Variants in ZAP70 observed in about 807,000 individuals in gnomAD.
ZAP70 encodes tyrosine-protein kinase ZAP-70.
A neutral mutation model predicts 65.8 loss-of-function variants in ZAP70; 27 were observed. The observed-to-expected ratio is 0.41, with a 90% CI of 0.30 to 0.57. The LOEUF (loss-of-function observed/expected upper bound fraction) is 0.57, where lower values mean the gene tolerates loss of function less well. ZAP70 is among the 20% of genes least tolerant of loss of function. The pLI, the probability that ZAP70 is intolerant of heterozygous loss-of-function variation, is 0.28. For missense variants in ZAP70, 696 were observed against 870.5 expected, an observed-to-expected ratio of 0.80 and a Z score of 2.52; for synonymous variants, 363 against 360.8, an observed-to-expected ratio of 1.01 and a Z score of -0.07.
intron 9 of ZAP70, 163 bp from the exon 10 acceptor site, chr2:97,735,087 C>T (rs780439583): frequency 6.0e-6 from 5 of 838,210 alleles, no homozygotes; most frequent in Non-Finnish European, 9.4e-6. Context: ...TCAGCAGACG[C>T]TCCAGGCTGC....
rs775411958 is a variant in ZAP70, at chr2:97,732,938, A to G, written c.619A>G (p.Thr207Ala). 1.6e-5 allele frequency: 26 copies of G among 1,613,978 alleles called. No homozygotes were observed. Among genetic ancestry groups the G allele is most frequent in the Non-Finnish European group, 2.1e-5 (25 of 1,180,038 alleles). Residue 207 changes from threonine to alanine, a missense_variant, in exon 5 of 14, where the codon ACG becomes GCG. Physicochemically the swap from Thr to Ala is moderately conservative, Grantham distance 58 (BLOSUM62 0). Around this residue, in one of 3 missense-constraint regions of ZAP70, gnomAD observed 551 missense variants for 630.0 expected, o/e 0.87. Coordinates refer to ENST00000264972, the MANE Select transcript of ZAP70 (RefSeq NM_001079.4). ...TYALSLIYGKTVYHYLISQDK... is the reference protein window; with the variant it reads ...TYALSLIYGKAVYHYLISQDK... ...CGCCCTGTCCCTCATCTATGGGAAG[A>G]CGGTGTACCACTACCTCATCAGCCA... is the stretch of plus-strand genomic sequence containing the variant.
At chr2:97,716,805 G>T (rs1226763917) in intron 2 of ZAP70, among the ~76,000 whole-genome samples, 1 of 152,106 alleles carries the variant, frequency 6.6e-6, no homozygotes, top group Non-Finnish European at 1.5e-5. Flanking sequence ...AGCCTAGAGG[G>T]CTTCAAGCAG....
chr2:97,717,212 C>CAG (rs1339897597), intron 2 of ZAP70, among the ~76,000 whole-genome samples: 4 of 140,756 alleles, frequency 2.8e-5, no homozygotes, highest in Non-Finnish European at 6.0e-5. Context: ...ACTAGGGGTT[C>CAG]AGAGAGAGAG....
intron 2 of ZAP70, among the ~76,000 whole-genome samples, chr2:97,718,638 G>T (rs1677044200): frequency 6.6e-6 from 1 of 152,156 alleles, no homozygotes; most frequent in Admixed American, 6.5e-5. Context: ...CTTAGCCTCG[G>T]GTCATGGATG....
rs758430459 is a variant in ZAP70 at position 97,735,442 on chromosome 2, C to T, written c.1275C>T (p.Phe425=). 9.3e-5 allele frequency: 150 copies of T among 1,611,666 alleles called. No individual in the cohort carries two copies. The highest frequency in any genetic ancestry group is 1.1e-4 in the Non-Finnish European group (132 of 1,178,514). Residue 425 remains phenylalanine, a synonymous_variant, in exon 10 of 14, where the codon TTC becomes TTT. Coordinates refer to ENST00000264972, the MANE Select transcript of ZAP70 (RefSeq NM_001079.4). ...CTGGGGGCGGGCCGCTGCACAAGTT[C>T]CTGGTCGGCAAGAGGTGAGCACCGG... is the stretch of plus-strand genomic sequence containing the variant. ...EMAGGGPLHK[F]LVGKREEIPV...
chr2:97,741,817 T>G (rs1678137809), downstream of ZAP70, among the ~76,000 whole-genome samples: 1 of 152,188 alleles, frequency 6.6e-6, no homozygotes, highest in South Asian at 2.1e-4. Context: ...CCTCCTCTAT[T>G]GATCATGTGC....
At chr2:97,754,979 G>A in the ZAP70 span, among the ~76,000 whole-genome samples, 1 of 152,204 alleles carries the variant, frequency 6.6e-6, no homozygotes, top group African/African-American at 2.4e-5. Context: ...TTGGTATAAA[G>A]CAGAGAAAAG....
At chr2:97,720,582 C>G (rs1373951336) in intron 2 of ZAP70, among the ~76,000 whole-genome samples, 1 of 152,202 alleles carries the variant, frequency 6.6e-6, no homozygotes. Context: ...AGACTGCTGG[C>G]CCCATGTGAT....
At chr2:97,735,667 CAG>C (rs2104698160) in intron 10 of ZAP70, among the ~76,000 whole-genome samples, 1 of 152,364 alleles carries the variant, frequency 6.6e-6, no homozygotes, top group East Asian at 1.9e-4. Flanking sequence ...GCGGTAATAA[CAG>C]TGTCTACCTC....
rs770495620 is a variant in ZAP70, at chr2:97,724,095, C to T, written c.59C>T (p.Ala20Val). Residue 20 changes from alanine to valine, a missense_variant, in exon 3 of 14, where the codon GCC becomes GTC. Ala to Val is a moderately conservative substitution (Grantham distance 64). Around this residue, in one of 3 missense-constraint regions of ZAP70, gnomAD observed 551 missense variants for 630.0 expected, o/e 0.87. Transcript: ENST00000264972. ...FFYGSISRAE[A>V]EEHLKLAGMA... is the part of the protein sequence containing the mutation. ...TACGGCAGCATCTCGCGTGCCGAGG[C>T]CGAGGAGCACCTGAAGCTGGCGGGC... 1 of 1,563,450 alleles carries T rather than the reference C, an allele frequency of 6.4e-7. No homozygotes were observed. The highest frequency in any genetic ancestry group is 8.6e-7 in the Non-Finnish European group (1 of 1,158,024).
intron 2 of ZAP70, 149 bp from the exon 3 acceptor site, chr2:97,723,867 A>C: frequency 1.2e-6 from 1 of 844,958 alleles, no homozygotes; most frequent in South Asian, 1.8e-5. Flanking sequence ...CTCCAGGTTG[A>C]CTCTGGCACA....
intron 4 of ZAP70, 116 bp from the exon 5 acceptor site, chr2:97,732,767 C>A: frequency 1.4e-6 from 2 of 1,461,766 alleles, no homozygotes; most frequent in South Asian, 1.2e-5. Flanking sequence ...GTCCCTGCAG[C>A]TTCTCTGCAA....
chr2:97,724,578 G>A (rs1167913628), intron 3 of ZAP70, 140 bp downstream of exon 3: 2 of 1,534,100 alleles, frequency 1.3e-6, no homozygotes, highest in African/African-American at 1.4e-5. Context: ...TGGGGCACTG[G>A]TTGGGGAAGA....
chr2:97,753,190 C>G, the ZAP70 span, among the ~76,000 whole-genome samples: 1 of 152,208 alleles, frequency 6.6e-6, no homozygotes, highest in Non-Finnish European at 1.5e-5. Flanking sequence ...TCTTTACCTA[C>G]ACTGTTTTGT....
intron 8 of ZAP70, 191 bp from the exon 9 acceptor site, chr2:97,734,329 C>A: frequency 1.4e-6 from 2 of 1,421,096 alleles, no homozygotes; most frequent in Non-Finnish European, 1.8e-6. Context: ...CATGGGGCAC[C>A]CACAGCTGTG....
the ZAP70 span, among the ~76,000 whole-genome samples, chr2:97,748,443 C>T: frequency 5.9e-5 from 9 of 152,058 alleles, no homozygotes; most frequent in Non-Finnish European, 7.4e-5. Context: ...TTTCATCAGG[C>T]GAGGAGGCAA....
intron 2 of ZAP70, among the ~76,000 whole-genome samples, 176 bp downstream of exon 2, chr2:97,714,170 C>T (rs1676819116): frequency 6.6e-6 from 1 of 152,158 alleles, no homozygotes; most frequent in Admixed American, 6.5e-5. Flanking sequence ...GGCTTGTGGC[C>T]ACGCTGAGGG....
At position 97,725,129 on chromosome 2, in the gene ZAP70, C is replaced by T. The variant is rs368446882; in HGVS notation, c.440C>T (p.Pro147Leu). 9 of 1,614,096 alleles carry T rather than the reference C, an allele frequency of 5.6e-6. No homozygotes were observed. The highest frequency in any genetic ancestry group is 2.2e-5 in the East Asian group (1 of 44,870). ...GAGCAGGCCATCATCAGCCAGGCCC[C>T]GCAGGTGGAGAAGCTCATTGCTACG... ...ALEQAIISQA[P>L]QVEKLIATTA... The change falls in exon 4 of 14, where the codon CCG becomes CTG. Residue 147 changes from proline (P) to leucine (L), a missense_variant. Transcript: ENST00000264972.
chr2:97,735,586 C>A, intron 10 of ZAP70, 130 bp downstream of exon 10: 1 of 1,064,890 alleles, frequency 9.4e-7, no homozygotes, highest in Non-Finnish European at 1.3e-6. Context: ...GACACACTCT[C>A]AGCCTGCACA....
Sources: gnomAD v4.1 joint callset for allele counts (sites outside exome capture counted in the v4.1 genomes callset) on GRCh38, gnomAD v4.1.1 for gene constraint, gnomAD v4.1.1 regional missense constraint, MANE v1.5 for transcripts, NCBI Gene and HGNC (gene_info 2026-07-23, HGNC 2026-07-21) for gene names.